The following CES1 variants were observed in gnomAD, a reference collection of about 807,000 sequenced individuals.
CES1 encodes liver carboxylesterase 1.
In CES1, 50 loss-of-function variants were observed where a neutral mutation model predicts 53.0. That is an observed-to-expected ratio of 0.94 (90% confidence interval 0.75 to 1.19). CES1 has a LOEUF of 1.19. Among genes scored for constraint, CES1 ranks in the 50% most tolerant of loss-of-function variants. CES1 has a pLI of 0.00. For missense variants in CES1, 534 were observed against 538.0 expected (o/e 0.99, Z 0.07); for synonymous variants, 202 against 210.1 (o/e 0.96, Z 0.33).
At position 55,810,959 on chromosome 16, in the gene CES1, T is replaced by C. The variant is rs140704082; in HGVS notation, c.1138A>G (p.Met380Val). 1,789 of 1,613,742 alleles carry C rather than the reference T, an allele frequency of 1.1e-3. 1 individual carries two copies. The highest frequency in any genetic ancestry group is 2.5e-3 in the Admixed American group (152 of 60,006). The stretch of plus-strand genomic sequence containing the variant: ...GGATAGGACTTCCACAGGAGTGACA[T>C]GGCTGTCTTCTGGTCCAGTTGCCCT... ...SEGQLDQKTA[M>V]SLLWKSYPLV... Residue 380 changes from methionine (M) to valine (V), a missense_variant, in exon 10 of 14, where the codon ATG becomes GTG. By Grantham distance (21) the Met-to-Val change is conservative. Around this residue, in one of 5 missense-constraint regions of CES1, gnomAD observed 269 missense variants for 206.6 expected, o/e 1.30. Coordinates refer to ENST00000360526, the MANE Select transcript of CES1 (RefSeq NM_001025195.2).
chr16:55,829,102 T>A, intron 1 of CES1, 128 bp from the exon 2 acceptor site: 1 of 1,029,698 alleles, frequency 9.7e-7, no homozygotes, highest in Non-Finnish European at 1.5e-6. Flanking sequence ...CCTCAGTTTC[T>A]CTTGATGTAC....
chr16:55,823,686 G>T lies in CES1; in HGVS notation c.406-3C>A, dbSNP rs370745598. ...CCTCCGTGGATCCACACCATCACCT[G>T]GGCAGAGAGGAAGCAACATACCAGT... On this transcript the variant is annotated splice_region_variant and splice_polypyrimidine_tract_variant and intron_variant, in intron 3 of 13. Coordinates refer to ENST00000360526, the MANE Select transcript of CES1 (RefSeq NM_001025195.2). The T allele has an allele frequency of 1.3e-4, 202 of 1,613,858 alleles. No homozygotes were observed. In the African/African-American group the frequency reaches 2.5e-3, roughly 20 times the overall value.
rs2032104061 is a variant in CES1, at chr16:55,819,937, G to A, written c.802-298C>T. On this transcript the variant is annotated intron_variant, in intron 6 of 13. Coordinates refer to ENST00000360526, the MANE Select transcript of CES1 (RefSeq NM_001025195.2). ...AAATGTGAGGTGGAGCTGGGATAGA[G>A]AGCATGGAATCCTGAATTTCCTTGT... 4 of 565,144 alleles carry A rather than the reference G, an allele frequency of 7.1e-6. No individual in the cohort carries two copies. In the East Asian group the frequency reaches 8.9e-5, roughly 13 times the overall value. 35.0% of individuals were successfully genotyped at this position (565,144 alleles called of 1,614,324 possible).
At chr16:55,827,940 A>G (rs1274164056) in intron 2 of CES1, 4 of 152,252 alleles carry the variant, frequency 2.6e-5, no homozygotes, top group African/African-American at 9.7e-5. Context: ...ATTGTATGTG[A>G]TCTTAATTTT....
At chr16:55,826,389 G>A (rs1293726430) in intron 2 of CES1, 94 bp from the exon 3 acceptor site, 74 of 1,447,090 alleles carry the variant, frequency 5.1e-5, no homozygotes, top group Admixed American at 4.7e-4. Context: ...TTTAAGCCTG[G>A]AAATGGACTT....
rs142550141 is a variant in CES1 at position 55,817,649 on chromosome 16, A to AGT, written c.907-689_907-688dup. On this transcript the variant is annotated intron_variant, in intron 7 of 13. Coordinates refer to ENST00000360526, the MANE Select transcript of CES1 (RefSeq NM_001025195.2). ...AAGGATTGAAGTCCCACTAGCCAGG[A>AGT]GTGTGTGTGTGTGTGTGTATGAGTG... 3.4e-3 allele frequency among the ~76,000 whole-genome samples: 502 copies of AGT among 149,330 alleles called. 1 individual carries two copies. Among genetic ancestry groups the AGT allele is most frequent in the Middle Eastern group, 0.014 (4 of 284 alleles).
At chr16:55,823,966 C>T (rs1290559498) in intron 3 of CES1, among the ~76,000 whole-genome samples, 11 of 152,266 alleles carry the variant, frequency 7.2e-5, no homozygotes, top group Admixed American at 3.9e-4. Flanking sequence ...AGAACATCAT[C>T]ATGGGCATAG....
chr16:55,818,190 T>G (rs2032030026), intron 7 of CES1, among the ~76,000 whole-genome samples: 1 of 152,204 alleles, frequency 6.6e-6, no homozygotes, highest in Admixed American at 6.5e-5. Flanking sequence ...TCAAAGGGAA[T>G]AGTTCCCAAT....
At position 55,833,077 on chromosome 16, in the gene CES1, G is replaced by A. The variant is rs1400437497; in HGVS notation, c.-22C>T. On this transcript the variant is annotated 5_prime_UTR_variant, in exon 1 of 14. Transcript: ENST00000360526. ...ACATCGTGGAAGGGCGACAGTTCTCGGGGCCTGCGAGGTCTCTGTGCAGTT... is the reference window on the plus strand; with the variant it reads ...ACATCGTGGAAGGGCGACAGTTCTCAGGGCCTGCGAGGTCTCTGTGCAGTT... 6.4e-7 allele frequency: 1 copy of A among 1,554,994 alleles called. No homozygotes were observed. Among genetic ancestry groups the A allele is most frequent in the Non-Finnish European group, 8.8e-7 (1 of 1,133,116 alleles).
Position 55,813,023 on chromosome 16 carries a change from A to G in CES1, c.966T>C (p.Thr322=), listed in dbSNP as rs1476042902. 1.2e-6 allele frequency: 2 copies of G among 1,614,002 alleles called. No homozygotes were observed. Among genetic ancestry groups the G allele is most frequent in the Non-Finnish European group, 8.5e-7 (1 of 1,179,896 alleles). ...TCAGCAGCAGCATCCCATCAATCAC[A>G]GTGCCCAGAAGGGGTTGACTCTGGG... The part of the protein sequence containing the change: ...DPRESQPLLG[T]VIDGMLLLKT... Residue 322 remains threonine (T), a synonymous_variant, in exon 9 of 14, where the codon ACT becomes ACC. Coordinates refer to ENST00000360526, the MANE Select transcript of CES1 (RefSeq NM_001025195.2).
rs544226395 is a variant in CES1 at position 55,829,104 on chromosome 16, T to C, written c.53-130A>G. 269 of 987,316 alleles carry C rather than the reference T, an allele frequency of 2.7e-4. 2 individuals carry two copies. In the African/African-American group the frequency reaches 3.7e-3, roughly 14 times the overall value. 61.2% of individuals were successfully genotyped at this position (987,316 alleles called of 1,614,324 possible). A position where few individuals can be genotyped will look rare whatever the true frequency, so the allele number is the denominator to read the frequency against. On this transcript the variant is annotated intron_variant, in intron 1 of 13. Transcript: ENST00000360526. ...TAAACCCTCTAGGCCTCAGTTTCTC[T>C]TGATGTACAATAGGGATGACGATCA...
At chr16:55,812,875 T>A in intron 9 of CES1, 28 bp downstream of exon 9, 1 of 1,613,208 alleles carries the variant, frequency 6.2e-7, no homozygotes, top group Non-Finnish European at 8.5e-7. Context: ...GGTGGTTGAG[T>A]CCCTCCAACA....
chr16:55,832,869 G>A, intron 1 of CES1, 135 bp downstream of exon 1: 1 of 878,192 alleles, frequency 1.1e-6, no homozygotes, highest in Non-Finnish European at 1.9e-6. Flanking sequence ...CCAAGTCCAA[G>A]TCCTAATATG....
chr16:55,811,331 T>C (rs1487001863), intron 9 of CES1, among the ~76,000 whole-genome samples: 58 of 151,846 alleles, frequency 3.8e-4, no homozygotes, highest in African/African-American at 1.3e-3. Context: ...GTCAGTGACA[T>C]GGAGATGCAA....
chr16:55,826,506 G>A, intron 2 of CES1, among the ~76,000 whole-genome samples: 1 of 152,280 alleles, frequency 6.6e-6, no homozygotes, highest in East Asian at 1.9e-4. Flanking sequence ...GAGTGAGAAG[G>A]GCTTCACACC....
At chr16:55,823,465 C>T in intron 4 of CES1, 85 bp downstream of exon 4, 3 of 1,538,674 alleles carry the variant, frequency 1.9e-6, no homozygotes, top group South Asian at 2.3e-5. Flanking sequence ...AGCTAAGCTC[C>T]CCTGAGGGCT....
intron 11 of CES1, among the ~76,000 whole-genome samples, chr16:55,809,295 G>C (rs1178674723): frequency 6.6e-6 from 1 of 152,212 alleles, no homozygotes; most frequent in Non-Finnish European, 1.5e-5. Context: ...TCAGGACCCT[G>C]TGAAGAAATG....
chr16:55,825,924 T>A (rs2032397049), intron 3 of CES1, among the ~76,000 whole-genome samples: 1 of 152,216 alleles, frequency 6.6e-6, no homozygotes, highest in Non-Finnish European at 1.5e-5. Flanking sequence ...TTGGAACAAT[T>A]AAGATGTTCA....
chr16:55,824,132 T>C (rs2032327868), intron 3 of CES1, among the ~76,000 whole-genome samples: 1 of 152,030 alleles, frequency 6.6e-6, no homozygotes, highest in Non-Finnish European at 1.5e-5. Context: ...GCATGAATGA[T>C]TGTCTCGAGA....
Sources: gnomAD v4.1 joint callset for allele counts (sites outside exome capture counted in the v4.1 genomes callset) on GRCh38, gnomAD v4.1.1 for gene constraint, gnomAD v4.1.1 regional missense constraint, MANE v1.5 for transcripts, NCBI Gene and HGNC (gene_info 2026-07-23, HGNC 2026-07-21) for gene names.